P4HA1: variants seen among roughly 807,000 people sequenced by gnomAD.
P4HA1 encodes the protein prolyl 4-hydroxylase subunit alpha 1.
Under a neutral mutation model 72.8 loss-of-function variants are expected in P4HA1, and 24 were observed. The observed-to-expected ratio is 0.33, with a 90% CI of 0.24 to 0.46. P4HA1 has a LOEUF of 0.46. Among genes scored for constraint, P4HA1 ranks in the 20% least tolerant of loss-of-function variants. The pLI is 1.00. For missense variants in P4HA1, 446 were observed against 640.6 expected (o/e 0.70, Z 3.28); for synonymous variants, 201 against 218.8 (o/e 0.92, Z 0.72).
At chr10:73,041,168 A>G (rs1418586832) in intron 9 of P4HA1, among the ~76,000 whole-genome samples, 1 of 152,094 alleles carries the variant, frequency 6.6e-6, no homozygotes, top group Non-Finnish European at 1.5e-5. Context: ...AGGACACTCA[A>G]CCCCAAAATA....
rs770821126 is a variant in P4HA1, at chr10:73,078,600, A to ATTTTT, written c.-32-3690_-32-3686dup. 2.6e-4 allele frequency among the ~76,000 whole-genome samples: 26 copies of ATTTTT among 99,696 alleles called. 3 individuals carry two copies. The highest frequency in any genetic ancestry group is 8.9e-4 in the African/African-American group (19 of 21,274). The allele number at this position is 99,696 out of a possible 152,430, so 65.4% of individuals were successfully genotyped here. A position where few individuals can be genotyped will look rare whatever the true frequency, so the allele number is the denominator to read the frequency against. Reference sequence around the variant, plus strand: ...TCTCTGGTTAGCAAAGCAGTAGGTAATTTTTTTTTTTTTTTTTTTTTTTTT... The same window carrying ATTTTT: ...TCTCTGGTTAGCAAAGCAGTAGGTAATTTTTTTTTTTTTTTTTTTTTTTTTTTTTT... On this transcript the variant is annotated intron_variant, in intron 1 of 14. Coordinates refer to ENST00000394890, the MANE Select transcript of P4HA1 (RefSeq NM_001017962.3).
At chr10:73,091,179 T>A (rs1220259495) in intron 1 of P4HA1, among the ~76,000 whole-genome samples, 7 of 118,864 alleles carry the variant, frequency 5.9e-5, no homozygotes, top group African/African-American at 1.1e-4. Flanking sequence ...AAAAAATAAA[T>A]AAATAAATAA....
chr10:73,053,724 C>T (rs1188913700), intron 5 of P4HA1, 134 bp from the exon 6 acceptor site: 10 of 684,162 alleles, frequency 1.5e-5, no homozygotes, highest in Non-Finnish European at 2.4e-5. Flanking sequence ...GCAAAAATTA[C>T]CCTAATTTTA....
At chr10:73,046,855 AT>A (rs904568343) in intron 8 of P4HA1, 69 bp downstream of exon 8, 19 of 1,195,000 alleles carry the variant, frequency 1.6e-5, no homozygotes, top group Non-Finnish European at 2.1e-5. Context: ...CAATTATCCT[AT>A]TTTTTTACAA....
intron 1 of P4HA1, among the ~76,000 whole-genome samples, chr10:73,083,613 C>T (rs184805913): frequency 3.3e-5 from 5 of 152,270 alleles, no homozygotes; most frequent in South Asian, 2.1e-4. Context: ...TCCTCCACCC[C>T]TTTTCTCTTT....
chr10:73,077,367 ATT>A (rs1319955304), intron 1 of P4HA1, among the ~76,000 whole-genome samples: 3 of 152,212 alleles, frequency 2.0e-5, no homozygotes, highest in African/African-American at 7.2e-5. Flanking sequence ...GCTAAAATAT[ATT>A]GTCACTAAAG....
chr10:73,087,463 G>A (rs114858042), intron 1 of P4HA1, among the ~76,000 whole-genome samples: 11 of 151,588 alleles, frequency 7.3e-5, no homozygotes, highest in East Asian at 1.9e-4. Flanking sequence ...AGACGGTTTC[G>A]CTATGTTGGC....
intron 13 of P4HA1, among the ~76,000 whole-genome samples, 155 bp downstream of exon 13, chr10:73,010,814 T>C (rs1839896895): frequency 6.6e-6 from 1 of 151,982 alleles, no homozygotes; most frequent in Non-Finnish European, 1.5e-5. Context: ...GCCATGTTTA[T>C]ACTGCTGGGC....
Position 73,030,359 on chromosome 10 carries a change from G to A in P4HA1, c.1160C>T (p.Ser387Phe), listed in dbSNP as rs764330652. The change falls in exon 10 of 15, where the codon TCT becomes TTT. Residue 387 changes from serine (S) to phenylalanine (F), a missense_variant. Physicochemically the swap from Ser to Phe is radical, Grantham distance 155. Transcript: ENST00000394890. Reference sequence around the variant, plus strand: ...AGACACCACAGGATTTTCATAGCCAGAGAGCCAGGCACTAAGAATAAGAGG... The same window carrying A: ...AGACACCACAGGATTTTCATAGCCAAAGAGCCAGGCACTAAGAATAAGAGG... ...HYRISKSAWL[S>F]GYENPVVSRI... is the part of the protein sequence containing the mutation. The A allele has an allele frequency of 5.8e-6, 9 of 1,559,170 alleles. No homozygotes were observed. In the Admixed American group the frequency reaches 1.5e-4, roughly 27 times the overall value.
chr10:73,055,938 G>A (rs1020336743), intron 5 of P4HA1, among the ~76,000 whole-genome samples: 7 of 152,162 alleles, frequency 4.6e-5, no homozygotes, highest in African/African-American at 1.7e-4. Flanking sequence ...GTAAGAAATG[G>A]AATCTGTTCC....
chr10:73,087,016 T>C (rs575999755), intron 1 of P4HA1, among the ~76,000 whole-genome samples: 24 of 151,250 alleles, frequency 1.6e-4, no homozygotes, highest in African/African-American at 4.9e-4. Flanking sequence ...AGCGGGAATG[T>C]TGGGTCATAT....
At chr10:73,083,859 C>A (rs773726389) in intron 1 of P4HA1, among the ~76,000 whole-genome samples, 9 of 151,992 alleles carry the variant, frequency 5.9e-5, no homozygotes, top group Non-Finnish European at 1.3e-4. Context: ...TAAAAGAACT[C>A]AAAAAAATGT....
intron 9 of P4HA1, among the ~76,000 whole-genome samples, 183 bp downstream of exon 9, chr10:73,044,798 T>G (rs1484864040): frequency 6.6e-6 from 1 of 152,112 alleles, no homozygotes. Context: ...AAACAGAACT[T>G]CTAGTGAAGG....
At chr10:73,037,131 G>A (rs984786507) in intron 9 of P4HA1, among the ~76,000 whole-genome samples, 2 of 151,688 alleles carry the variant, frequency 1.3e-5, no homozygotes, top group Non-Finnish European at 2.9e-5. Flanking sequence ...TTAGTGCCAG[G>A]AGAAAAAAGA....
chr10:73,092,191 A>T (rs1312619040), intron 1 of P4HA1, among the ~76,000 whole-genome samples: 2 of 152,184 alleles, frequency 1.3e-5, no homozygotes, highest in Non-Finnish European at 2.9e-5. Flanking sequence ...ATGCATTTCC[A>T]TTCAGTGCTA....
Position 73,010,755 on chromosome 10 carries a change from A to G in P4HA1, c.1437+214T>C, listed in dbSNP as rs1373037567. On this transcript the variant is annotated intron_variant, in intron 13 of 14. Coordinates refer to ENST00000394890, the MANE Select transcript of P4HA1 (RefSeq NM_001017962.3). ...ATGGTGACATGCACCTGTAGTCCCC[A>G]CTATTTGGGAGGCTGAGGCTTGAAC... Among the ~76,000 whole-genome samples the G allele has an allele frequency of 2.0e-5, 3 of 152,140 alleles. No individual in the cohort carries two copies. The East Asian group carries it at 5.8e-4, about 29-fold the overall frequency.
At chr10:73,074,678 C>T (rs757533039) in intron 2 of P4HA1, 130 bp downstream of exon 2, 46 of 590,818 alleles carry the variant, frequency 7.8e-5, no homozygotes, top group Non-Finnish European at 1.2e-4. Flanking sequence ...AAAAAAGGAC[C>T]TTTTAGGGGG....
At chr10:73,053,269 A>G (rs1176745601) in intron 6 of P4HA1, 82 bp downstream of exon 6, 3 of 1,340,966 alleles carry the variant, frequency 2.2e-6, no homozygotes, top group Non-Finnish European at 3.1e-6. Flanking sequence ...AATACCATAT[A>G]TAAATGAGGG....
chr10:73,040,166 G>A (rs550490575), intron 9 of P4HA1, among the ~76,000 whole-genome samples: 16 of 151,962 alleles, frequency 1.1e-4, no homozygotes, highest in Non-Finnish European at 1.8e-4. Flanking sequence ...CACCATGCCC[G>A]GCCTTCTAAT....
Sources: allele counts gnomAD v4.1 joint callset (sites outside exome capture counted in the v4.1 genomes callset), GRCh38; gene constraint gnomAD v4.1.1; transcripts MANE v1.5; gene names NCBI Gene and HGNC (gene_info 2026-07-23, HGNC 2026-07-21).